The following TXNRD3 variants were observed in gnomAD, a reference collection of about 807,000 sequenced individuals.
TXNRD3 encodes the protein TXNRD3 neighbor gene protein.
TXNRD3 carries 68 observed loss-of-function variants against 78.2 expected under a neutral mutation model. The ratio of observed to expected loss-of-function variants is 0.87; its 90% CI spans 0.72 to 1.06. TXNRD3 has a LOEUF of 1.06. TXNRD3 is among the 50% of genes least tolerant of loss of function. The pLI, the probability that TXNRD3 is intolerant of heterozygous loss-of-function variation, is 0.00. For synonymous variants in TXNRD3, 296 were observed against 300.1 expected, an observed-to-expected ratio of 0.99 and a Z score of 0.14; for missense variants, 751 against 809.5, an observed-to-expected ratio of 0.93 and a Z score of 0.88.
chr3:126,629,929 T>G (rs1330397754), intron 9 of TXNRD3, among the ~76,000 whole-genome samples: 1 of 152,218 alleles, frequency 6.6e-6, no homozygotes, highest in East Asian at 1.9e-4. Flanking sequence ...GACTCTTAAA[T>G]AGGAGATATA....
rs1938122259 is a variant in TXNRD3 at position 126,608,701 on chromosome 3, G to T, written c.1729-68C>A. 7.6e-6 allele frequency: 11 copies of T among 1,438,520 alleles called. No individual in the cohort carries two copies. The African/African-American group carries it at 1.0e-4, about 13-fold the overall frequency. 89.1% of individuals were successfully genotyped at this position (1,438,520 alleles called of 1,614,324 possible). On this transcript the variant is annotated intron_variant, in intron 14 of 15. Transcript: ENST00000524230. ...TGGTCTGAATATGGATCCATTCACTGCAAATTCACAGTTAAAATATACAGT... is the reference window on the plus strand; with the variant it reads ...TGGTCTGAATATGGATCCATTCACTTCAAATTCACAGTTAAAATATACAGT...
intron 11 of TXNRD3, 141 bp from the exon 12 acceptor site, chr3:126,622,039 G>A: frequency 1.6e-6 from 1 of 640,280 alleles, no homozygotes; most frequent in Non-Finnish European, 2.4e-6. Flanking sequence ...TATATATAAG[G>A]TCAATGACTT....
At chr3:126,626,794 A>G (rs578136794) in intron 10 of TXNRD3, among the ~76,000 whole-genome samples, 1 of 152,348 alleles carries the variant, frequency 6.6e-6, no homozygotes, top group Admixed American at 6.5e-5. Context: ...TCAAAGAGAA[A>G]TTAAAATATA....
At chr3:126,654,672 G>A (rs1423906856) in intron 1 of TXNRD3, 76 bp downstream of exon 1, 24 of 1,062,118 alleles carry the variant, frequency 2.3e-5, no homozygotes, top group South Asian at 4.7e-5. Flanking sequence ...CCCCGGCCCG[G>A]ACCCGCCCTG....
intron 3 of TXNRD3, among the ~76,000 whole-genome samples, chr3:126,645,800 T>C (rs980937117): frequency 4.6e-5 from 7 of 152,172 alleles, no homozygotes; most frequent in Non-Finnish European, 8.8e-5. Context: ...AATGGCAGTG[T>C]TGACCTCTTT....
intron 6 of TXNRD3, among the ~76,000 whole-genome samples, chr3:126,638,490 T>C (rs932359187): frequency 3.9e-5 from 6 of 152,124 alleles, no homozygotes; most frequent in African/African-American, 9.7e-5. Flanking sequence ...TCCCAGCACT[T>C]TGGGAGGCCA....
intron 1 of TXNRD3, among the ~76,000 whole-genome samples, chr3:126,650,511 T>C (rs533218022): frequency 1.3e-5 from 2 of 151,986 alleles, no homozygotes; most frequent in African/African-American, 4.8e-5. Flanking sequence ...TGTGGTGGCA[T>C]GCACCTGTAG....
intron 1 of TXNRD3, among the ~76,000 whole-genome samples, chr3:126,653,569 T>A (rs1933438849): frequency 1.3e-5 from 2 of 152,226 alleles, no homozygotes; most frequent in South Asian, 2.1e-4. Context: ...AGCAAGGATG[T>A]AGAGCAAGAT....
intron 1 of TXNRD3, among the ~76,000 whole-genome samples, chr3:126,648,067 T>C (rs557337298): frequency 1.3e-5 from 2 of 152,334 alleles, no homozygotes; most frequent in Non-Finnish European, 2.9e-5. Context: ...GTTGATTTTC[T>C]GTATACCAAT....
At chr3:126,646,722 G>A (rs1351452104) in intron 2 of TXNRD3, among the ~76,000 whole-genome samples, 1 of 152,196 alleles carries the variant, frequency 6.6e-6, no homozygotes, top group Non-Finnish European at 1.5e-5. Context: ...ACTTTAAAGT[G>A]AGTCAGTGAG....
At position 126,621,865 on chromosome 3, in the gene TXNRD3, C is replaced by G. The variant is rs1297641658; in HGVS notation, c.1401G>C (p.Gln467His). The change falls in exon 12 of 16, where the codon CAG (glutamine) becomes CAC (histidine). Residue 467 changes from glutamine (Q) to histidine (H), a missense_variant. Coordinates refer to ENST00000524230, the MANE Select transcript of TXNRD3 (RefSeq NM_052883.3). Reference sequence around the variant, plus strand: ...CAGCATAGACATATGGCACATTGGTCTGTTCCACATCATTTACAGGTATTT... The same window carrying G: ...CAGCATAGACATATGGCACATTGGTGTGTTCCACATCATTTACAGGTATTT... 4.6e-6 allele frequency: 7 copies of G among 1,529,362 alleles called. No homozygotes were observed. In the African/African-American group the frequency reaches 9.6e-5, roughly 21 times the overall value. The allele number at this position is 1,529,362 out of a possible 1,614,324, so 94.7% of individuals were successfully genotyped here.
chr3:126,622,348 G>A (rs1938477235), intron 11 of TXNRD3, 116 bp downstream of exon 11: 2 of 704,064 alleles, frequency 2.8e-6, no homozygotes, highest in Non-Finnish European at 4.4e-6. Context: ...AGCTGGCACT[G>A]AACTTATAAG....
rs778325345 is a variant in TXNRD3 at position 126,615,435 on chromosome 3, CTG to C, written c.1550_1551del (p.Thr517SerfsTer14). 1.5e-4 allele frequency: 225 copies of C among 1,513,212 alleles called. No homozygotes were observed. The Middle Eastern group carries it at 1.7e-3, about 11-fold the overall frequency. 93.7% of individuals were successfully genotyped at this position (1,513,212 alleles called of 1,614,324 possible). On this transcript the variant is annotated frameshift_variant, in exon 13 of 16. Coordinates refer to ENST00000524230, the MANE Select transcript of TXNRD3 (RefSeq NM_052883.3). LOFTEE classifies it high-confidence loss of function. ...CAACCATACTCCAGAGGAGTAAACA[CTG>C]TAGTCGGAACATTAATATAATCACA...
chr3:126,635,983 G>A (rs1938851213), intron 6 of TXNRD3, among the ~76,000 whole-genome samples: 1 of 152,162 alleles, frequency 6.6e-6, no homozygotes, highest in Non-Finnish European at 1.5e-5. Flanking sequence ...CCAGGCTGGA[G>A]TGCTATGGCA....
intron 6 of TXNRD3, among the ~76,000 whole-genome samples, chr3:126,636,925 AT>A (rs34611548): frequency 9.4e-3 from 1,321 of 140,524 alleles, no homozygotes; most frequent in Non-Finnish European, 0.01. Context: ...TTCTTTTGTG[AT>A]TTTTTTTTTT....
chr3:126,619,054 C>CA (rs1938383439), intron 12 of TXNRD3, among the ~76,000 whole-genome samples: 1 of 151,708 alleles, frequency 6.6e-6, no homozygotes, highest in Non-Finnish European at 1.5e-5. Context: ...ATCAAAAAGA[C>CA]AAAAAATAAC....
rs977367431 is a variant in TXNRD3 at position 126,611,041 on chromosome 3, T to A, written c.1724A>T (p.Asp575Val). ...GCTTCTAGTGGTATTACATACATGG[T>A]CGAATTTATTGCAGATTATCTTTGC... The change falls in exon 14 of 16, where the codon GAC becomes GTC. Residue 575 changes from aspartate to valine, a missense_variant. Coordinates refer to ENST00000524230, the MANE Select transcript of TXNRD3 (RefSeq NM_052883.3). 3.3e-6 allele frequency: 5 copies of A among 1,506,826 alleles called. No homozygotes were observed. The highest frequency in any genetic ancestry group is 5.0e-5 in the East Asian group (2 of 40,372). The allele number at this position is 1,506,826 out of a possible 1,614,324, so 93.3% of individuals were successfully genotyped here.
chr3:126,631,239 C>T (rs1029623686), intron 8 of TXNRD3, among the ~76,000 whole-genome samples: 1 of 151,640 alleles, frequency 6.6e-6, no homozygotes, highest in East Asian at 1.9e-4. Flanking sequence ...GATGTATGTA[C>T]GTATGTGCTA....
rs920253715 is a variant in TXNRD3, at chr3:126,611,050, T to C, written c.1715A>G (p.Asn572Ser). 7.9e-6 allele frequency: 12 copies of C among 1,515,968 alleles called. No homozygotes were observed. The highest frequency in any genetic ancestry group is 1.1e-5 in the Non-Finnish European group (12 of 1,136,300). 93.9% of individuals were successfully genotyped at this position (1,515,968 alleles called of 1,614,324 possible). ...GGTATTACATACATGGTCGAATTTA[T>C]TGCAGATTATCTTTGCATAACAAGT... The change falls in exon 14 of 16, where the codon AAT becomes AGT. Residue 572 changes from asparagine (N) to serine (S), a missense_variant. Physicochemically the swap from Asn to Ser is conservative, Grantham distance 46. Transcript: ENST00000524230.
Sources: gnomAD v4.1 joint callset for allele counts (sites outside exome capture counted in the v4.1 genomes callset) on GRCh38, gnomAD v4.1.1 for gene constraint, MANE v1.5 for transcripts, NCBI Gene and HGNC (gene_info 2026-07-23, HGNC 2026-07-21) for gene names.